SDK2: variants seen among roughly 807,000 people sequenced by gnomAD.
SDK2 encodes protein sidekick-2.
Under a neutral mutation model 253.9 loss-of-function variants are expected in SDK2, and 105 were observed. That is an observed-to-expected ratio of 0.41 (90% CI 0.35 to 0.49). SDK2 has a LOEUF of 0.49. Ranked by LOEUF, SDK2 falls within the 20% of genes least tolerant of loss-of-function variation. SDK2 has a pLI of 0.06. For synonymous variants in SDK2, 1,249 were observed against 1,234.9 expected, an observed-to-expected ratio of 1.01 and a Z score of -0.24; for missense variants, 2,608 against 3,003.0, an observed-to-expected ratio of 0.87 and a Z score of 3.07.
intron 1 of SDK2, among the ~76,000 whole-genome samples, chr17:73,543,960 G>C (rs2044913233): frequency 6.6e-6 from 1 of 152,162 alleles, no homozygotes; most frequent in Non-Finnish European, 1.5e-5. Flanking sequence ...GGACATCTAG[G>C]GGACACCAGG....
intron 1 of SDK2, among the ~76,000 whole-genome samples, chr17:73,584,951 T>C (rs2145888747): frequency 6.6e-6 from 1 of 152,332 alleles, no homozygotes. Flanking sequence ...TCATCTGTGG[T>C]TGCTGCTGAT....
chr17:73,547,907 G>T lies in SDK2; in HGVS notation c.65-40310C>A, dbSNP rs149738991. Among the ~76,000 whole-genome samples the T allele has an allele frequency of 6.3e-4, 96 of 152,326 alleles. 1 individual carries two copies. Among genetic ancestry groups the T allele is most frequent in the African/African-American group, 2.1e-3 (89 of 41,576 alleles). On this transcript the variant is annotated intron_variant, in intron 1 of 44. Transcript: ENST00000392650. ...CGCAGGCTTACTAGGAAGCATGGCT[G>T]CGAGGCCTCAGGAAACTTACAATCA...
At chr17:73,588,387 C>CA (rs1215654213) in intron 1 of SDK2, among the ~76,000 whole-genome samples, 1,900 of 57,790 alleles carry the variant, frequency 0.033, 47 homozygotes, top group African/African-American at 0.07. Flanking sequence ...AACTCCATCT[C>CA]AAAAAAAAAA....
chr17:73,540,547 A>AAT lies in SDK2; in HGVS notation c.65-32952_65-32951dup, dbSNP rs566718096. Among the ~76,000 whole-genome samples, 726 of 152,298 alleles carry AAT rather than the reference A, an allele frequency of 4.8e-3. 6 individuals carry two copies. Among genetic ancestry groups the AAT allele is most frequent in the African/African-American group, 0.016 (675 of 41,562 alleles). On this transcript the variant is annotated intron_variant, in intron 1 of 44. Transcript: ENST00000392650. ...ATATTTGCTATTAAACCCATAACATAATATATATATAATATACCCATTTTA... is the reference window on the plus strand; with the variant it reads ...ATATTTGCTATTAAACCCATAACATAATATATATATATAATATACCCATTTTA...
At chr17:73,550,669 C>T (rs1462861787) in intron 1 of SDK2, among the ~76,000 whole-genome samples, 1 of 152,200 alleles carries the variant, frequency 6.6e-6, no homozygotes, top group Non-Finnish European at 1.5e-5. Context: ...AGAGTCCACT[C>T]AAGAAAGCAG....
intron 32 of SDK2, 48 bp from the exon 33 acceptor site, chr17:73,384,059 A>C (rs1599506704): frequency 1.3e-6 from 2 of 1,581,594 alleles, no homozygotes; most frequent in Non-Finnish European, 8.6e-7. Context: ...ACCACCACCC[A>C]CCCCTCCCCA....
rs2044874864 is a variant in SDK2, at chr17:73,541,905, C to T, written c.65-34308G>A. 6.6e-6 allele frequency among the ~76,000 whole-genome samples: 1 copy of T among 152,188 alleles called. No individual in the cohort carries two copies. Among genetic ancestry groups the T allele is most frequent in the Non-Finnish European group, 1.5e-5 (1 of 68,040 alleles). On this transcript the variant is annotated intron_variant, in intron 1 of 44. Coordinates refer to ENST00000392650, the MANE Select transcript of SDK2 (RefSeq NM_001144952.2). The surrounding 1 kb of genome is among the most constrained non-coding windows in gnomAD (Gnocchi z 4.3). ...GCTGGGATGCAAGTCCAGGCCTGTTCTTGCCTGTGTGCCCTGAGGAGAGCC... is the reference window on the plus strand; with the variant it reads ...GCTGGGATGCAAGTCCAGGCCTGTTTTTGCCTGTGTGCCCTGAGGAGAGCC...
rs1375035183 is a variant in SDK2, at chr17:73,391,584, C to T, written c.3899-46G>A. 9 of 1,103,908 alleles carry T rather than the reference C, an allele frequency of 8.2e-6. No homozygotes were observed. The African/African-American group carries it at 9.7e-5, about 12-fold the overall frequency. The allele number at this position is 1,103,908 out of a possible 1,614,324, so 68.4% of individuals were successfully genotyped here. A position where few individuals can be genotyped will look rare whatever the true frequency, so the allele number is the denominator to read the frequency against. The stretch of plus-strand genomic sequence containing the variant: ...GAGGCCGACCCATGAGGCTGCCGCT[C>T]AGCTGGGGATGAGCCCAGCTCGGGC... On this transcript the variant is annotated intron_variant, in intron 27 of 44. Transcript: ENST00000392650.
rs536552908 is a variant in SDK2, at chr17:73,354,830, C to T, written c.5594-2193G>A. Among the ~76,000 whole-genome samples, 5 of 152,184 alleles carry T rather than the reference C, an allele frequency of 3.3e-5. No homozygotes were observed. The South Asian group carries it at 6.2e-4, about 19-fold the overall frequency. On this transcript the variant is annotated intron_variant, in intron 40 of 44. Coordinates refer to ENST00000392650, the MANE Select transcript of SDK2 (RefSeq NM_001144952.2). ...CACCCTCTGGTTGAAGCTGCTCTCC[C>T]GCCAGAGGTGTGCCCAGTTCAAGGC...
intron 2 of SDK2, among the ~76,000 whole-genome samples, chr17:73,485,876 T>C (rs2063766499): frequency 6.6e-6 from 1 of 152,126 alleles, no homozygotes; most frequent in African/African-American, 2.4e-5. Context: ...GACCAGAAAA[T>C]GCTTGCCAAC....
In SDK2 at chr17:73,617,287, G is replaced by A. The variant is rs143440996; in HGVS notation, c.64+26738C>T. On this transcript the variant is annotated intron_variant, in intron 1 of 44. Coordinates refer to ENST00000392650, the MANE Select transcript of SDK2 (RefSeq NM_001144952.2). ...GGAGGTGAGAGGGCTCCAGGGGAGG[G>A]GAGAGGCCTCCTGCAGAGGGGAGGG... is the stretch of plus-strand genomic sequence containing the variant. Among the ~76,000 whole-genome samples, 44 of 148,488 alleles carry A rather than the reference G, an allele frequency of 3.0e-4. No individual in the cohort carries two copies. In the East Asian group the frequency reaches 5.9e-3, roughly 20 times the overall value.
At chr17:73,526,635 GTGTGTGCATGTGTA>G (rs1430176683) in intron 1 of SDK2, among the ~76,000 whole-genome samples, 1 of 152,066 alleles carries the variant, frequency 6.6e-6, no homozygotes, top group Non-Finnish European at 1.5e-5. Context: ...ACATAGGTGT[GTGTGTGCATGTGTA>G]TGTGTGCATA....
intron 1 of SDK2, among the ~76,000 whole-genome samples, chr17:73,572,582 G>T (rs143040849): frequency 6.6e-6 from 1 of 151,964 alleles, no homozygotes; most frequent in Middle Eastern, 3.4e-3. Context: ...TTTGCTTATC[G>T]CCTTCCTATT....
chr17:73,545,169 C>T (rs1032328232), intron 1 of SDK2, among the ~76,000 whole-genome samples: 6 of 148,600 alleles, frequency 4.0e-5, no homozygotes, highest in South Asian at 4.2e-4. Context: ...GGGGCTGTGG[C>T]CTCTGTATCT....
At position 73,401,985 on chromosome 17, in the gene SDK2, G is replaced by C; in HGVS notation, c.2641C>G (p.Pro881Ala). The change falls in exon 19 of 45, where the codon CCA becomes GCA. Residue 881 changes from proline to alanine, a missense_variant. Physicochemically the swap from Pro to Ala is conservative, Grantham distance 27. Coordinates refer to ENST00000392650, the MANE Select transcript of SDK2 (RefSeq NM_001144952.2). ...CGCACCAGCTGCGGGGTGCTGCGTG[G>C]CCCGTCCCCGGGGGTGGTGAAACAC... is the stretch of plus-strand genomic sequence containing the variant. ...VLCFTTPGDG[P>A]RSTPQLVRTH... is the part of the protein sequence containing the mutation. 6.2e-7 allele frequency: 1 copy of C among 1,613,304 alleles called. No individual in the cohort carries two copies.
intron 19 of SDK2, 73 bp from the exon 20 acceptor site, chr17:73,401,825 C>T: frequency 9.7e-6 from 14 of 1,449,616 alleles, no homozygotes; most frequent in Non-Finnish European, 1.3e-5. Context: ...TGTGAGATAG[C>T]CTGTGGTAAT....
At chr17:73,457,173 C>T (rs79904857) in intron 3 of SDK2, among the ~76,000 whole-genome samples, 3,471 of 152,084 alleles carry the variant, frequency 0.023, 125 homozygotes, top group African/African-American at 0.073. Context: ...ATTTCACTGG[C>T]GTGGAGTGTG....
intron 2 of SDK2, among the ~76,000 whole-genome samples, chr17:73,484,766 A>G (rs532176089): frequency 2.7e-4 from 41 of 152,062 alleles, no homozygotes; most frequent in Non-Finnish European, 4.6e-4. Flanking sequence ...CATCACTCCA[A>G]TCTCTGCCTC....
At chr17:73,568,063 C>T (rs1052865814) in intron 1 of SDK2, among the ~76,000 whole-genome samples, 2 of 152,010 alleles carry the variant, frequency 1.3e-5, no homozygotes, top group Admixed American at 6.6e-5. Flanking sequence ...GATATGTGTC[C>T]CCTCCAAATC....
Sources: allele counts gnomAD v4.1 joint callset (sites outside exome capture counted in the v4.1 genomes callset), GRCh38; gene constraint gnomAD v4.1.1; non-coding constraint Gnocchi (gnomAD v3.1); transcripts MANE v1.5; gene names NCBI Gene and HGNC (gene_info 2026-07-23, HGNC 2026-07-21).